Variants in TEK observed in about 807,000 individuals in gnomAD.
The protein encoded by TEK is TEK receptor tyrosine kinase.
In TEK, 43 loss-of-function variants were observed where a neutral mutation model predicts 131.8. That is an observed-to-expected ratio of 0.33 (90% confidence interval 0.26 to 0.42). The LOEUF (loss-of-function observed/expected upper bound fraction) is 0.42. TEK is among the 10% of genes least tolerant of loss of function. The pLI is 1.00. For synonymous variants in TEK, 580 were observed against 491.6 expected (o/e 1.18, Z -2.38); for missense variants, 1,162 against 1,384.4 (o/e 0.84, Z 2.55).
rs117748450 is a variant in TEK, at chr9:27,229,284, T to C, written c.*52T>C. 2 of 1,552,108 alleles carry C rather than the reference T, an allele frequency of 1.3e-6. No homozygotes were observed. Among genetic ancestry groups the C allele is most frequent in the Non-Finnish European group, 1.8e-6 (2 of 1,123,796 alleles). ...TCCCTTTCACTGGCATGGGAGACCC[T>C]TGACACCTGCTGAGAAAACATGCCT... On this transcript the variant is annotated 3_prime_UTR_variant, in exon 23 of 23. Transcript: ENST00000380036.
In TEK at chr9:27,127,504, G is replaced by A. The variant is rs141441558; in HGVS notation, c.52+17862G>A. 7.7e-4 allele frequency among the ~76,000 whole-genome samples: 118 copies of A among 152,314 alleles called. 1 individual carries two copies. Among genetic ancestry groups the A allele is most frequent in the African/African-American group, 2.7e-3 (113 of 41,574 alleles). On this transcript the variant is annotated intron_variant, in intron 1 of 22. Transcript: ENST00000380036. ...GTGTATACCCAGTAATGGGATGGCT[G>A]GGTCAAATGGTATTTGGTATTTCTA...
At chr9:27,204,801 T>G (rs1587010887) in intron 13 of TEK, 110 bp from the exon 14 acceptor site, 1 of 1,463,336 alleles carries the variant, frequency 6.8e-7, no homozygotes, top group South Asian at 1.1e-5. Context: ...GGTGGCAGGG[T>G]TAAGGCTGCT....
intron 1 of TEK, among the ~76,000 whole-genome samples, chr9:27,139,033 T>C (rs71510420): frequency 0.39 from 58,147 of 150,808 alleles, 12,043 homozygotes; most frequent in African/African-American, 0.48. Context: ...CCTGGTGAAA[T>C]CCATGTCTAC....
At chr9:27,168,902 T>C (rs185408451) in intron 3 of TEK, among the ~76,000 whole-genome samples, 1 of 152,332 alleles carries the variant, frequency 6.6e-6, no homozygotes, top group Non-Finnish European at 1.5e-5. Flanking sequence ...GTTTCTTTGA[T>C]TGTGACATTG....
intron 21 of TEK, among the ~76,000 whole-genome samples, chr9:27,224,830 G>A (rs1255165084): frequency 2.0e-5 from 3 of 152,212 alleles, no homozygotes; most frequent in Non-Finnish European, 2.9e-5. Context: ...TCTGTCTGCA[G>A]ATGACATGAT....
At chr9:27,198,577 A>C (rs1001537482) in intron 12 of TEK, among the ~76,000 whole-genome samples, 3 of 152,258 alleles carry the variant, frequency 2.0e-5, no homozygotes, top group Non-Finnish European at 4.4e-5. Context: ...GTGCAGAATC[A>C]TGCTAACAGT....
At chr9:27,226,851 C>T (rs1421703592) in intron 21 of TEK, among the ~76,000 whole-genome samples, 2 of 152,164 alleles carry the variant, frequency 1.3e-5, no homozygotes, top group East Asian at 3.9e-4. Flanking sequence ...CAGAACTATC[C>T]GTGGTAGAAG....
At chr9:27,175,256 T>A (rs1446063149) in intron 6 of TEK, among the ~76,000 whole-genome samples, 1 of 150,218 alleles carries the variant, frequency 6.7e-6, no homozygotes. Flanking sequence ...TTTGTCCTTG[T>A]GATAGTTTAC....
intron 1 of TEK, among the ~76,000 whole-genome samples, chr9:27,126,193 A>G (rs1821982039): frequency 1.3e-5 from 2 of 152,308 alleles, no homozygotes; most frequent in East Asian, 1.9e-4. Flanking sequence ...ATTCATTAAC[A>G]TTGAACTCAT....
chr9:27,149,883 C>T (rs1025081402), intron 1 of TEK, among the ~76,000 whole-genome samples: 4 of 152,078 alleles, frequency 2.6e-5, no homozygotes, highest in South Asian at 4.1e-4. Context: ...TTTCCCATAC[C>T]GGGTATCCTG....
At chr9:27,184,634 G>T (rs955640401) in intron 8 of TEK, among the ~76,000 whole-genome samples, 13 of 152,176 alleles carry the variant, frequency 8.5e-5, no homozygotes, top group African/African-American at 3.1e-4. Context: ...TATTTAGTAA[G>T]GTTGGCCATA....
At chr9:27,137,778 C>T (rs1477023639) in intron 1 of TEK, among the ~76,000 whole-genome samples, 1 of 152,152 alleles carries the variant, frequency 6.6e-6, no homozygotes, top group Non-Finnish European at 1.5e-5. Flanking sequence ...TTTTAGACTT[C>T]TCATTTTTCT....
Position 27,109,341 on chromosome 9 carries a change from G to A in TEK, c.-250G>A, listed in dbSNP as rs1304010529. The A allele has an allele frequency of 3.3e-6, 2 of 600,320 alleles. No individual in the cohort carries two copies. Among genetic ancestry groups the A allele is most frequent in the Admixed American group, 3.0e-5 (1 of 33,290 alleles). The allele number at this position is 600,320 out of a possible 1,614,324, so 37.2% of individuals were successfully genotyped here. ...GCCCCCAGCCCTGCTGATACCAAAT[G>A]CCTTTAAGATACAGCCTTTCCCATC... On this transcript the variant is annotated 5_prime_UTR_variant, in exon 1 of 23. An upstream start codon of the reference 5' UTR is lost. Coordinates refer to ENST00000380036, the MANE Select transcript of TEK (RefSeq NM_000459.5).
At chr9:27,170,852 G>C (rs1203262631) in intron 4 of TEK, among the ~76,000 whole-genome samples, 1 of 152,124 alleles carries the variant, frequency 6.6e-6, no homozygotes, top group East Asian at 1.9e-4. Context: ...TATAGACAAG[G>C]GTGGAGTCAC....
intron 1 of TEK, among the ~76,000 whole-genome samples, chr9:27,149,198 C>G (rs978613297): frequency 6.6e-6 from 1 of 152,064 alleles, no homozygotes; most frequent in Non-Finnish European, 1.5e-5. Flanking sequence ...AGAGATACAG[C>G]GATGGGCAAA....
chr9:27,163,204 C>T (rs1424562346), intron 2 of TEK, among the ~76,000 whole-genome samples: 1 of 152,170 alleles, frequency 6.6e-6, no homozygotes, highest in African/African-American at 2.4e-5. Flanking sequence ...CATTTACTAG[C>T]TAGTGAGTGT....
intron 1 of TEK, among the ~76,000 whole-genome samples, chr9:27,130,558 T>C (rs1191137110): frequency 7.0e-6 from 1 of 143,530 alleles, no homozygotes; most frequent in African/African-American, 2.6e-5. Context: ...AATTCAAGAA[T>C]AATAAAAGGC....
At chr9:27,192,086 C>T (rs1344041974) in intron 10 of TEK, 1 of 390,646 alleles carries the variant, frequency 2.6e-6, no homozygotes, top group African/African-American at 2.1e-5. Flanking sequence ...GAGCAAACCT[C>T]CTAAGCATCT....
intron 16 of TEK, among the ~76,000 whole-genome samples, chr9:27,211,152 T>G (rs1166083452): frequency 6.7e-6 from 1 of 148,440 alleles, no homozygotes; most frequent in Non-Finnish European, 1.5e-5. Context: ...TGAATATATA[T>G]GTATGAATAT....
Sources: gnomAD v4.1 joint callset for allele counts (sites outside exome capture counted in the v4.1 genomes callset) on GRCh38, gnomAD v4.1.1 for gene constraint, MANE v1.5 for transcripts, NCBI Gene and HGNC (gene_info 2026-07-23, HGNC 2026-07-21) for gene names.